PCDHB4: variants seen among roughly 807,000 people sequenced by gnomAD.
PCDHB4 encodes protocadherin beta-4.
For synonymous variants in PCDHB4, 482 were observed against 447.3 expected, an observed-to-expected ratio of 1.08 and a Z score of -0.98; for missense variants, 1,063 against 1,007.0, an observed-to-expected ratio of 1.06 and a Z score of -0.75.
In PCDHB4 at chr5:141,123,637, C is replaced by T; in HGVS notation, c.1639C>T (p.Arg547Cys). The T allele has an allele frequency of 6.2e-7, 1 of 1,611,884 alleles. No homozygotes were observed. Among genetic ancestry groups the T allele is most frequent in the Non-Finnish European group, 8.5e-7 (1 of 1,179,720 alleles). ...SPALSSEALV[R>C]VLVLDTNDNS... ...GGCTTTGAGCAGCGAGGCGCTGGTG[C>T]GCGTGCTGGTGCTGGACACCAACGA... is the stretch of plus-strand genomic sequence containing the variant. Residue 547 changes from arginine to cysteine, a missense_variant, in exon 1 of 1, where the codon CGC (arginine) becomes TGC (cysteine). By Grantham distance (180) the Arg-to-Cys change is radical (BLOSUM62 -3). Transcript: ENST00000194152.
rs1752391779 is a variant in PCDHB4 at position 141,125,292 on chromosome 5, T to C, written c.*906T>C. Reference sequence around the variant, plus strand: ...CTCCCTATAAATAGAAATCCAAGTATACTTTAATATGTGTATATTTTTTGG... The same window carrying C: ...CTCCCTATAAATAGAAATCCAAGTACACTTTAATATGTGTATATTTTTTGG... On this transcript the variant is annotated 3_prime_UTR_variant, in exon 1 of 1. Coordinates refer to ENST00000194152, the MANE Select transcript of PCDHB4 (RefSeq NM_018938.4). The C allele has an allele frequency of 6.6e-6, 1 of 152,250 alleles. No individual in the cohort carries two copies. The highest frequency in any genetic ancestry group is 2.4e-5 in the African/African-American group (1 of 41,562). 9.4% of individuals were successfully genotyped at this position (152,250 alleles called of 1,614,324 possible). A position where few individuals can be genotyped will look rare whatever the true frequency, so the allele number is the denominator to read the frequency against.
Position 141,122,334 on chromosome 5 carries a change from G to A in PCDHB4, c.336G>A (p.Pro112=), listed in dbSNP as rs782599988. The part of the protein sequence containing the change: ...VLHFQVFLEM[P]VQFFQGELLI... ...ATTTCCAAGTGTTCCTGGAAATGCC[G>A]GTGCAATTTTTTCAAGGAGAATTAT... The change falls in exon 1 of 1, where the codon CCG becomes CCA. Residue 112 remains proline (P), a synonymous_variant. Coordinates refer to ENST00000194152, the MANE Select transcript of PCDHB4 (RefSeq NM_018938.4). 1.9e-6 allele frequency: 3 copies of A among 1,614,068 alleles called. No homozygotes were observed. Among genetic ancestry groups the A allele is most frequent in the Non-Finnish European group, 2.5e-6 (3 of 1,180,010 alleles).
chr5:141,123,812 T>G lies in PCDHB4; in HGVS notation c.1814T>G (p.Leu605Arg). The G allele has an allele frequency of 1.9e-6, 3 of 1,609,826 alleles. No homozygotes were observed. Among genetic ancestry groups the G allele is most frequent in the Non-Finnish European group, 2.5e-6 (3 of 1,179,692 alleles). Residue 605 changes from leucine to arginine, a missense_variant, in exon 1 of 1, where the codon CTG becomes CGG. Leu to Arg is a moderately radical substitution (Grantham distance 102, BLOSUM62 -2). Transcript: ENST00000194152. ...CAGAACGCCTGGCTGTCGTACCAGCTGCTCAAGGCCACGGAGCCTGGGCTG... is the reference window on the plus strand; with the variant it reads ...CAGAACGCCTGGCTGTCGTACCAGCGGCTCAAGGCCACGGAGCCTGGGCTG... ...SGQNAWLSYQLLKATEPGLFG... is the reference protein window; with the variant it reads ...SGQNAWLSYQRLKATEPGLFG...
Position 141,123,055 on chromosome 5 carries a change from AGCTCCATCCCAGAAAAT to A in PCDHB4, c.1063_1079del (p.Ile355Ter). The A allele has an allele frequency of 6.2e-7, 1 of 1,613,878 alleles. No individual in the cohort carries two copies. The highest frequency in any genetic ancestry group is 1.1e-5 in the South Asian group (1 of 91,006). On this transcript the variant is annotated frameshift_variant, in exon 1 of 1. Transcript: ENST00000194152. LOFTEE classifies it low-confidence loss of function (END_TRUNC). ...AGAACTTATCATATCTTCACTCACC[AGCTCCATCCCAGAAAAT>A]GCTCCTGAGACGGTAGTCTCTATCT...
In PCDHB4 at chr5:141,122,156, T is replaced by G. The variant is rs1490171202; in HGVS notation, c.158T>G (p.Leu53Arg). Residue 53 changes from leucine to arginine, a missense_variant, in exon 1 of 1, where the codon CTG (leucine) becomes CGG (arginine). Transcript: ENST00000194152. ...FVAHLAKDLG[L>R]GIGELASRSA... ...GCCCATCTGGCCAAGGATCTGGGCC[T>G]GGGAATTGGGGAACTGGCCTCCCGG... 3 of 1,614,042 alleles carry G rather than the reference T, an allele frequency of 1.9e-6. No individual in the cohort carries two copies. The highest frequency in any genetic ancestry group is 2.5e-6 in the Non-Finnish European group (3 of 1,180,040).
chr5:141,125,299 A>G lies in PCDHB4; in HGVS notation c.*913A>G, dbSNP rs1752391883. 1 of 152,086 alleles carries G rather than the reference A, an allele frequency of 6.6e-6. No individual in the cohort carries two copies. The highest frequency in any genetic ancestry group is 2.1e-4 in the South Asian group (1 of 4,820). 9.4% of individuals were successfully genotyped at this position (152,086 alleles called of 1,614,324 possible). ...TAAATAGAAATCCAAGTATACTTTA[A>G]TATGTGTATATTTTTTGGTTTTCCT... On this transcript the variant is annotated 3_prime_UTR_variant, in exon 1 of 1. Transcript: ENST00000194152.
Position 141,123,923 on chromosome 5 carries a change from T to C in PCDHB4, c.1925T>C (p.Leu642Pro), listed in dbSNP as rs782792813. 3 of 1,605,604 alleles carry C rather than the reference T, an allele frequency of 1.9e-6. No homozygotes were observed. The Admixed American group carries it at 5.0e-5, about 27-fold the overall frequency. Residue 642 changes from leucine to proline, a missense_variant, in exon 1 of 1, where the codon CTT (leucine) becomes CCT (proline). Leu to Pro is a moderately conservative substitution (Grantham distance 98). Transcript: ENST00000194152. ...RDAAKHRLVV[L>P]VKDNGEPPRS... ...GCAGCCAAGCACAGGCTCGTGGTGC[T>C]TGTCAAGGACAATGGCGAGCCTCCG...
At position 141,121,898 on chromosome 5, in the gene PCDHB4, G is replaced by A. The variant is rs1334333013; in HGVS notation, c.-101G>A. On this transcript the variant is annotated 5_prime_UTR_variant, in exon 1 of 1. Coordinates refer to ENST00000194152, the MANE Select transcript of PCDHB4 (RefSeq NM_018938.4). ...ATACTAAACAAATTTAATATTAAAA[G>A]CAACTGTGTGACGATTCCTCCAAGC... 1.8e-5 allele frequency: 14 copies of A among 792,916 alleles called. No individual in the cohort carries two copies. The highest frequency in any genetic ancestry group is 5.8e-5 in the Admixed American group (2 of 34,266). 49.1% of individuals were successfully genotyped at this position (792,916 alleles called of 1,614,324 possible). A position where few individuals can be genotyped will look rare whatever the true frequency, so the allele number is the denominator to read the frequency against.
In PCDHB4 at chr5:141,123,178, C is replaced by T. The variant is rs1752329290; in HGVS notation, c.1180C>T (p.Pro394Ser). 1 of 1,614,042 alleles carries T rather than the reference C, an allele frequency of 6.2e-7. No individual in the cohort carries two copies. Among genetic ancestry groups the T allele is most frequent in the African/African-American group, 1.3e-5 (1 of 74,902 alleles). Reference sequence around the variant, plus strand: ...AGATAATCTACCGTTTATTCTAAAACCAACTTTGAAGAATTTTTACACCCT... The same window carrying T: ...AGATAATCTACCGTTTATTCTAAAATCAACTTTGAAGAATTTTTACACCCT... ...IPDNLPFILK[P>S]TLKNFYTLVT... is the part of the protein sequence containing the mutation. The change falls in exon 1 of 1, where the codon CCA becomes TCA. Residue 394 changes from proline to serine, a missense_variant. Pro to Ser is a moderately conservative substitution (Grantham distance 74). Transcript: ENST00000194152.
rs573506152 is a variant in PCDHB4 at position 141,123,480 on chromosome 5, C to T, written c.1482C>T (p.Asp494=). 25 of 1,613,296 alleles carry T rather than the reference C, an allele frequency of 1.5e-5. No homozygotes were observed. Among genetic ancestry groups the T allele is most frequent in the South Asian group, 3.3e-5 (3 of 91,044 alleles). The change falls in exon 1 of 1, where the codon GAC becomes GAT. Residue 494 remains aspartate, a synonymous_variant. Transcript: ENST00000194152. ...QVTYSLLPPQ[D]PHLPLASLVS... Reference sequence around the variant, plus strand: ...CCTACTCGCTGCTGCCGCCCCAGGACCCGCACCTGCCCCTCGCCTCCCTGG... The same window carrying T: ...CCTACTCGCTGCTGCCGCCCCAGGATCCGCACCTGCCCCTCGCCTCCCTGG...
Position 141,124,026 on chromosome 5 carries a change from C to A in PCDHB4, c.2028C>A (p.Ala676=), listed in dbSNP as rs782281576. Residue 676 remains alanine (A), a synonymous_variant, in exon 1 of 1, where the codon GCC becomes GCA. Transcript: ENST00000194152. The part of the protein sequence containing the change: ...SQPYLPLPEA[A]PAQAQADSLT... ...CCTACCTGCCTCTCCCTGAGGCGGC[C>A]CCGGCCCAGGCCCAGGCCGACTCTC... 1.9e-5 allele frequency: 31 copies of A among 1,605,844 alleles called. No homozygotes were observed. In the African/African-American group the frequency reaches 3.5e-4, roughly 18 times the overall value.
rs1375726742 is a variant in PCDHB4 at position 141,123,865 on chromosome 5, G to A, written c.1867G>A (p.Val623Met). 2 of 1,607,618 alleles carry A rather than the reference G, an allele frequency of 1.2e-6. No individual in the cohort carries two copies. Among genetic ancestry groups the A allele is most frequent in the Non-Finnish European group, 1.7e-6 (2 of 1,179,658 alleles). The stretch of plus-strand genomic sequence containing the variant: ...CGGCGTGTGGGCGCACAATGGCGAG[G>A]TGCGCACCGCCAGGCTGCTGAGCGA... ...LFGVWAHNGE[V>M]RTARLLSERD... Residue 623 changes from valine to methionine, a missense_variant, in exon 1 of 1, where the codon GTG (valine) becomes ATG (methionine). Physicochemically the swap from Val to Met is conservative, Grantham distance 21 (BLOSUM62 1). Transcript: ENST00000194152.
In PCDHB4 at chr5:141,123,685, C is replaced by G. The variant is rs2149626930; in HGVS notation, c.1687C>G (p.Pro563Ala). Reference sequence around the variant, plus strand: ...CGACAACTCGCCCTTCGTGCTGTACCCGCTGCAGAATGGCTCCGCGCCCTG... The same window carrying G: ...CGACAACTCGCCCTTCGTGCTGTACGCGCTGCAGAATGGCTCCGCGCCCTG... The part of the protein sequence containing the change: ...TNDNSPFVLY[P>A]LQNGSAPCTE... Residue 563 changes from proline to alanine, a missense_variant, in exon 1 of 1, where the codon CCG becomes GCG. Physicochemically the swap from Pro to Ala is conservative, Grantham distance 27. Transcript: ENST00000194152. 1 of 1,611,314 alleles carries G rather than the reference C, an allele frequency of 6.2e-7. No individual in the cohort carries two copies. The highest frequency in any genetic ancestry group is 1.1e-5 in the South Asian group (1 of 90,964).
Position 141,122,661 on chromosome 5 carries a change from G to T in PCDHB4, c.663G>T (p.Arg221Ser). 6.2e-7 allele frequency: 1 copy of T among 1,614,194 alleles called. No homozygotes were observed. The highest frequency in any genetic ancestry group is 1.1e-5 in the South Asian group (1 of 91,072). ...CGCTGGATGGTGGGTCACCACCTAG[G>T]TCTGGCACGGTCATGGTTCGAATCC... ...LVALDGGSPP[R>S]SGTVMVRILI... Residue 221 changes from arginine (R) to serine (S), a missense_variant, in exon 1 of 1, where the codon AGG becomes AGT. Coordinates refer to ENST00000194152, the MANE Select transcript of PCDHB4 (RefSeq NM_018938.4).
At position 141,122,848 on chromosome 5, in the gene PCDHB4, T is replaced by A. The variant is rs1752317707; in HGVS notation, c.850T>A (p.Ser284Thr). Residue 284 changes from serine to threonine, a missense_variant, in exon 1 of 1, where the codon TCA becomes ACA. By Grantham distance (58) the Ser-to-Thr change is moderately conservative (BLOSUM62 1). Coordinates refer to ENST00000194152, the MANE Select transcript of PCDHB4 (RefSeq NM_018938.4). ...GSVSYGLFQA[S>T]DEIKQTFSIN... The stretch of plus-strand genomic sequence containing the variant: ...TGTTTCTTATGGCTTATTCCAAGCA[T>A]CAGATGAAATTAAACAAACTTTCTC... 6.2e-7 allele frequency: 1 copy of A among 1,613,914 alleles called. No individual in the cohort carries two copies. Among genetic ancestry groups the A allele is most frequent in the Admixed American group, 1.7e-5 (1 of 60,014 alleles).
Position 141,124,374 on chromosome 5 carries a change from G to A in PCDHB4, c.2376G>A (p.Leu792=), listed in dbSNP as rs1554274788. 1 of 1,606,708 alleles carries A rather than the reference G, an allele frequency of 6.2e-7. No individual in the cohort carries two copies. Among genetic ancestry groups the A allele is most frequent in the Admixed American group, 1.7e-5 (1 of 59,154 alleles). ...AAAACCCCAAGTTCAGAAATAGCTT[G>A]GTATTCAGTTAAGTATTGTATTTAG... The part of the protein sequence containing the change: ...VKENPKFRNS[L]VFS Residue 792 remains leucine (L), a synonymous_variant, in exon 1 of 1, where the codon TTG becomes TTA. Coordinates refer to ENST00000194152, the MANE Select transcript of PCDHB4 (RefSeq NM_018938.4).
rs1554274886 is a variant in PCDHB4, at chr5:141,125,270, C to A, written c.*884C>A. 1 of 151,970 alleles carries A rather than the reference C, an allele frequency of 6.6e-6. No individual in the cohort carries two copies. The highest frequency in any genetic ancestry group is 1.9e-4 in the East Asian group (1 of 5,192). The allele number at this position is 151,970 out of a possible 1,614,324, so 9.4% of individuals were successfully genotyped here. ...GGTCTCCTTGTGCTACCTTTTACTC[C>A]CTATAAATAGAAATCCAAGTATACT... On this transcript the variant is annotated 3_prime_UTR_variant, in exon 1 of 1. Transcript: ENST00000194152.
In PCDHB4 at chr5:141,123,511, A is replaced by G; in HGVS notation, c.1513A>G (p.Ile505Val). Residue 505 changes from isoleucine to valine, a missense_variant, in exon 1 of 1, where the codon ATC becomes GTC. By Grantham distance (29) the Ile-to-Val change is conservative. Coordinates refer to ENST00000194152, the MANE Select transcript of PCDHB4 (RefSeq NM_018938.4). ...CCTGCCCCTCGCCTCCCTGGTCTCC[A>G]TCAACGCAGACAACGGCCACCTGTT... Reference protein sequence around the residue: ...PHLPLASLVSINADNGHLFAL... With the variant: ...PHLPLASLVSVNADNGHLFAL... 1.2e-6 allele frequency: 2 copies of G among 1,613,370 alleles called. No individual in the cohort carries two copies. The highest frequency in any genetic ancestry group is 1.7e-6 in the Non-Finnish European group (2 of 1,179,994).
Position 141,122,239 on chromosome 5 carries a change from G to A in PCDHB4, c.241G>A (p.Gly81Arg). The A allele has an allele frequency of 6.2e-7, 1 of 1,614,150 alleles. No homozygotes were observed. ...GCGTTTGCAGCTGGATCGTCAGACT[G>A]GAGATTTGCTTCTGAGGGAGAAACT... ...KQRLQLDRQT[G>R]DLLLREKLDR... The change falls in exon 1 of 1, where the codon GGA (glycine) becomes AGA (arginine). Residue 81 changes from glycine (G) to arginine (R), a missense_variant. Transcript: ENST00000194152.
Sources: gnomAD v4.1 joint callset for allele counts on GRCh38, gnomAD v4.1.1 for gene constraint, MANE v1.5 for transcripts, NCBI Gene and HGNC (gene_info 2026-07-23, HGNC 2026-07-21) for gene names.